WNK3: variants seen among roughly 807,000 people sequenced by gnomAD.
WNK3 encodes the protein serine/threonine-protein kinase WNK3.
A neutral mutation model predicts 116.7 loss-of-function variants in WNK3; 18 were observed. The ratio of observed to expected loss-of-function variants is 0.15; its 90% CI spans 0.11 to 0.23. WNK3 has a LOEUF of 0.23. Ranked by LOEUF, WNK3 falls within the 10% of genes least tolerant of loss-of-function variation. The pLI, the probability that WNK3 is intolerant of heterozygous loss-of-function variation, is 1.00. For missense variants in WNK3, 993 were observed against 1,323.8 expected, an observed-to-expected ratio of 0.75 and a Z score of 3.88; for synonymous variants, 404 against 469.4, an observed-to-expected ratio of 0.86 and a Z score of 1.80.
chrX:54,272,527 C>A (rs1219443157), intron 10 of WNK3, among the ~76,000 whole-genome samples: 1 of 111,668 alleles, frequency 9.0e-6, no homozygotes, highest in Non-Finnish European at 1.9e-5. Context: ...GTCTCAGAAA[C>A]TGGTTACATA....
chrX:54,221,007 A>G (rs1254703426), intron 22 of WNK3, among the ~76,000 whole-genome samples: 8 of 111,905 alleles, frequency 7.1e-5, no homozygotes, highest in African/African-American at 2.6e-4. Context: ...ACACAGGCAT[A>G]CTTTCTCATA....
Position 54,298,395 on chromosome X carries a change from C to T in WNK3, c.1179-1G>A. ...GTTTAATAGGTCCCTGATAGACAAC[C>T]TAATAAACAAAACATATATCTCATT... On this transcript the variant is annotated splice_acceptor_variant, in intron 6 of 23. Transcript: ENST00000354646. LOFTEE classifies it high-confidence loss of function. The T allele has an allele frequency of 8.5e-7, 1 of 1,174,506 alleles. No individual in the cohort carries two copies. The highest frequency in any genetic ancestry group is 1.2e-6 in the Non-Finnish European group (1 of 862,851).
intron 22 of WNK3, among the ~76,000 whole-genome samples, chrX:54,206,811 C>T (rs1557142773): frequency 8.9e-6 from 1 of 111,918 alleles, no homozygotes; most frequent in African/African-American, 3.2e-5. Flanking sequence ...GGCTGGATCA[C>T]ATGAGGTCAG....
intron 10 of WNK3, among the ~76,000 whole-genome samples, chrX:54,284,720 C>T (rs1317830851): frequency 8.9e-6 from 1 of 111,949 alleles, no homozygotes; most frequent in Non-Finnish European, 1.9e-5. Context: ...CCTATAATCC[C>T]AGCAGTTTGG....
chrX:54,305,301 CAAT>C (rs1262933281), intron 5 of WNK3, among the ~76,000 whole-genome samples: 1 of 112,002 alleles, frequency 8.9e-6, no homozygotes, highest in East Asian at 2.8e-4. Flanking sequence ...AATAACCATA[CAAT>C]GAGTGCAACA....
chrX:54,279,999 T>A (rs781844666), intron 10 of WNK3, among the ~76,000 whole-genome samples: 5 of 112,467 alleles, frequency 4.4e-5, no homozygotes, highest in South Asian at 3.6e-4. Flanking sequence ...AATAATTTTT[T>A]AAAAAATAAA....
At chrX:54,289,728 C>T (rs1603390975) in intron 10 of WNK3, among the ~76,000 whole-genome samples, 1 of 110,891 alleles carries the variant, frequency 9.0e-6, no homozygotes, top group Non-Finnish European at 1.9e-5. Flanking sequence ...CCCCTGAATG[C>T]CCCCCAATGG....
chrX:54,282,680 G>A (rs1424459801), intron 10 of WNK3, among the ~76,000 whole-genome samples: 1 of 111,417 alleles, frequency 9.0e-6, no homozygotes, highest in East Asian at 2.8e-4. Context: ...CTTTTATGGT[G>A]AATTGATTGT....
At chrX:54,213,819 A>G (rs1557144387) in intron 22 of WNK3, among the ~76,000 whole-genome samples, 1 of 110,509 alleles carries the variant, frequency 9.0e-6, no homozygotes, top group East Asian at 2.8e-4. Context: ...CAGATATTAA[A>G]TATAATGTTC....
At position 54,198,878 on chromosome X, in the gene WNK3, C is replaced by A. The variant is rs150810951; in HGVS notation, c.5074-225G>T. ...TATGTACCTTAATTAATGCCATCTT[C>A]ATAACTGCCCTGCCTTACATTTTTA... On this transcript the variant is annotated intron_variant, in intron 23 of 23. Coordinates refer to ENST00000354646, the Ensembl canonical transcript of WNK3. Among the ~76,000 whole-genome samples the A allele has an allele frequency of 7.0e-3, 775 of 110,620 alleles. 3 individuals carry two copies. Among genetic ancestry groups the A allele is most frequent in the Non-Finnish European group, 0.01 (553 of 52,966 alleles).
chrX:54,294,680 C>T lies in WNK3; in HGVS notation c.1566G>A (p.Gln522=), dbSNP rs1456707991. 3 of 1,208,506 alleles carry T rather than the reference C, an allele frequency of 2.5e-6. No homozygotes were observed. The African/African-American group carries it at 5.3e-5, about 21-fold the overall frequency. The change falls in exon 8 of 24, where the codon CAG becomes CAA. Residue 522 remains glutamine, a synonymous_variant. Coordinates refer to ENST00000354646, the Ensembl canonical transcript of WNK3. The stretch of plus-strand genomic sequence containing the variant: ...CGGGAGCAAGGGGTAAAGTTGTATT[C>T]TGGGGCTGAGGGAATACATTCCCCA...
intron 2 of WNK3, among the ~76,000 whole-genome samples, chrX:54,327,731 C>T (rs1169890888): frequency 9.1e-6 from 1 of 110,140 alleles, no homozygotes; most frequent in African/African-American, 3.3e-5. Context: ...CCTGTAATCC[C>T]AGCACTTTGG....
At chrX:54,287,563 T>C (rs1424313402) in intron 10 of WNK3, among the ~76,000 whole-genome samples, 1 of 112,177 alleles carries the variant, frequency 8.9e-6, no homozygotes, top group Non-Finnish European at 1.9e-5. Context: ...TTCCTTTTTA[T>C]AGTGGTTATT....
chrX:54,324,299 T>C (rs782386877), intron 2 of WNK3, among the ~76,000 whole-genome samples: 37 of 112,271 alleles, frequency 3.3e-4, no homozygotes, highest in Non-Finnish European at 5.3e-4. Flanking sequence ...AAGTCCTTTT[T>C]GAAATGTAAG....
At chrX:54,311,813 C>T (rs1557169720) in intron 2 of WNK3, among the ~76,000 whole-genome samples, 1 of 111,646 alleles carries the variant, frequency 9.0e-6, no homozygotes, top group Non-Finnish European at 1.9e-5. Flanking sequence ...GCTACATTAA[C>T]TGCTAGAAGT....
chrX:54,298,975 A>C (rs180959099), intron 6 of WNK3, among the ~76,000 whole-genome samples: 283 of 112,476 alleles, frequency 2.5e-3, no homozygotes, highest in Middle Eastern at 0.014. Context: ...AGCAAAGTCC[A>C]GTGGTTTTCG....
At chrX:54,286,222 G>A (rs893389990) in intron 10 of WNK3, among the ~76,000 whole-genome samples, 11 of 110,134 alleles carry the variant, frequency 1.0e-4, no homozygotes, top group African/African-American at 3.3e-4. Flanking sequence ...AAAAGGTGGG[G>A]GGGGAGAAGA....
intron 22 of WNK3, among the ~76,000 whole-genome samples, chrX:54,211,577 G>A (rs1206274349): frequency 2.7e-5 from 3 of 110,977 alleles, no homozygotes; most frequent in Admixed American, 1.9e-4. Context: ...AGGCTGAGGC[G>A]GGAGGATCAC....
At chrX:54,253,481 G>A (rs1318043037) in intron 13 of WNK3, among the ~76,000 whole-genome samples, 1 of 110,562 alleles carries the variant, frequency 9.0e-6, no homozygotes, top group Non-Finnish European at 1.9e-5. Context: ...TGCCTAGGCT[G>A]GTCTTGAACT....
Sources: allele counts gnomAD v4.1 joint callset (sites outside exome capture counted in the v4.1 genomes callset), GRCh38; gene constraint gnomAD v4.1.1; transcripts MANE v1.5; gene names NCBI Gene and HGNC (gene_info 2026-07-23, HGNC 2026-07-21).